CSPP1: variants seen among roughly 807,000 people sequenced by gnomAD.
The protein encoded by CSPP1 is centrosome and spindle pole-associated protein 1.
In CSPP1, 126 loss-of-function variants were observed where a neutral mutation model predicts 164.4. That is an observed-to-expected ratio of 0.77 (90% CI 0.66 to 0.89). The LOEUF (loss-of-function observed/expected upper bound fraction) is 0.89. CSPP1 is among the 40% of genes least tolerant of loss of function. The pLI, the probability that CSPP1 is intolerant of heterozygous loss-of-function variation, is 0.00. For synonymous variants in CSPP1, 472 were observed against 476.7 expected, an observed-to-expected ratio of 0.99 and a Z score of 0.13; for missense variants, 1,395 against 1,449.8, an observed-to-expected ratio of 0.96 and a Z score of 0.61.
At chr8:67,168,385 CTT>C (rs1326350797) in intron 24 of CSPP1, among the ~76,000 whole-genome samples, 1 of 152,128 alleles carries the variant, frequency 6.6e-6, no homozygotes, top group East Asian at 1.9e-4. Flanking sequence ...ATTAATTTTT[CTT>C]TTCATTAATA....
intron 15 of CSPP1, among the ~76,000 whole-genome samples, chr8:67,126,568 G>A (rs1421674967): frequency 2.6e-5 from 4 of 152,262 alleles, no homozygotes; most frequent in East Asian, 1.9e-4. Context: ...TGGGGCATGC[G>A]TTCAGTACCC....
At chr8:67,189,009 G>A (rs1002141013) in intron 28 of CSPP1, among the ~76,000 whole-genome samples, 1 of 152,126 alleles carries the variant, frequency 6.6e-6, no homozygotes, top group Non-Finnish European at 1.5e-5. Context: ...CCACCATCTT[G>A]GGAGTTCTAA....
At chr8:67,143,002 T>C (rs1373205797) in intron 17 of CSPP1, among the ~76,000 whole-genome samples, 1 of 152,170 alleles carries the variant, frequency 6.6e-6, no homozygotes, top group African/African-American at 2.4e-5. Context: ...GGCACAATGA[T>C]CAAAATTAGA....
At chr8:67,184,812 A>C (rs1834028442) in intron 28 of CSPP1, among the ~76,000 whole-genome samples, 1 of 149,298 alleles carries the variant, frequency 6.7e-6, no homozygotes, top group Admixed American at 6.7e-5. Flanking sequence ...AACGTTAAAA[A>C]CAGTCGGCCG....
At chr8:67,176,182 A>G (rs745916622) in intron 26 of CSPP1, among the ~76,000 whole-genome samples, 30 of 152,094 alleles carry the variant, frequency 2.0e-4, no homozygotes, top group Non-Finnish European at 4.1e-4. Context: ...TGGCCTTCCC[A>G]TCTGTATTTC....
chr8:67,095,118 C>G (rs909338123), intron 6 of CSPP1, among the ~76,000 whole-genome samples, 175 bp from the exon 7 acceptor site: 5 of 151,906 alleles, frequency 3.3e-5, no homozygotes, highest in African/African-American at 1.2e-4. Flanking sequence ...TTTGCTATTA[C>G]AAGTAAAGCT....
intron 13 of CSPP1, among the ~76,000 whole-genome samples, chr8:67,117,458 A>AT (rs1376503472): frequency 6.6e-6 from 1 of 152,186 alleles, no homozygotes; most frequent in Non-Finnish European, 1.5e-5. Context: ...TGCCTTTGCC[A>AT]TTTTTACTAC....
chr8:67,065,466 A>T (rs768845231), intron 1 of CSPP1: 19 of 868,640 alleles, frequency 2.2e-5, no homozygotes, highest in Non-Finnish European at 2.6e-5. Flanking sequence ...ATTTATAAAA[A>T]GCCTAAATTA....
At position 67,144,800 on chromosome 8, in the gene CSPP1, G is replaced by A. The variant is rs548032482; in HGVS notation, c.1976-4983G>A. ...TTCACCAGTGAAGGCTGGGTGTGGC[G>A]GCTCACGCCTGTAATCCCAGCACAT... On this transcript the variant is annotated intron_variant, in intron 17 of 30. Transcript: ENST00000678616. Among the ~76,000 whole-genome samples, 44 of 152,106 alleles carry A rather than the reference G, an allele frequency of 2.9e-4. 2 individuals carry two copies. The highest frequency in any genetic ancestry group is 1.9e-3 in the Admixed American group (29 of 15,268).
intron 28 of CSPP1, among the ~76,000 whole-genome samples, chr8:67,180,526 A>G (rs541134113): frequency 6.6e-6 from 1 of 152,318 alleles, no homozygotes; most frequent in East Asian, 1.9e-4. Flanking sequence ...AGGGGTAGAT[A>G]CATACATGTA....
chr8:67,102,935 T>C (rs1340178025), intron 7 of CSPP1, 102 bp from the exon 8 acceptor site: 11 of 605,252 alleles, frequency 1.8e-5, no homozygotes, highest in Non-Finnish European at 2.9e-5. Context: ...TATAACACTT[T>C]GTTCCTTTTA....
intron 18 of CSPP1, among the ~76,000 whole-genome samples, chr8:67,153,233 T>A (rs115900845): frequency 1.7e-3 from 255 of 152,162 alleles, no homozygotes; most frequent in African/African-American, 5.9e-3. Context: ...ATGCTTTAGT[T>A]TAATGGTATA....
At chr8:67,080,001 T>C (rs1027049103) in intron 3 of CSPP1, among the ~76,000 whole-genome samples, 4 of 152,240 alleles carry the variant, frequency 2.6e-5, no homozygotes, top group Non-Finnish European at 5.9e-5. Context: ...TTGATGCACA[T>C]GGAATTTTAT....
Position 67,149,816 on chromosome 8 carries a change from A to G in CSPP1, c.2009A>G (p.Asp670Gly). The change falls in exon 18 of 31, where the codon GAT becomes GGT. Residue 670 changes from aspartate (D) to glycine (G), a missense_variant. By Grantham distance (94) the Asp-to-Gly change is moderately conservative (BLOSUM62 -1). Coordinates refer to ENST00000678616, the MANE Select transcript of CSPP1 (RefSeq NM_001382391.1). Reference sequence around the variant, plus strand: ...AATAGGATGCACAGACAAAATATAGATGCCTACCATAACCCAGATGCAAGA... The same window carrying G: ...AATAGGATGCACAGACAAAATATAGGTGCCTACCATAACCCAGATGCAAGA... ...DLNRMHRQNI[D>G]AYHNPDARTY... The G allele has an allele frequency of 6.3e-7, 1 of 1,597,968 alleles. No homozygotes were observed. The highest frequency in any genetic ancestry group is 8.5e-7 in the Non-Finnish European group (1 of 1,174,022).
At chr8:67,071,399 ATTC>A (rs1806755108) in intron 1 of CSPP1, among the ~76,000 whole-genome samples, 1 of 149,536 alleles carries the variant, frequency 6.7e-6, no homozygotes, top group Non-Finnish European at 1.5e-5. Flanking sequence ...CCCAGCTTCA[ATTC>A]TTCTGTCACT....
chr8:67,097,549 A>G (rs1813058486), intron 7 of CSPP1, among the ~76,000 whole-genome samples: 2 of 152,168 alleles, frequency 1.3e-5, no homozygotes, highest in African/African-American at 4.8e-5. Flanking sequence ...GGGAACTGCA[A>G]GTAATCTTTG....
chr8:67,101,685 AGAT>A (rs1370165145), intron 7 of CSPP1, among the ~76,000 whole-genome samples: 1 of 152,234 alleles, frequency 6.6e-6, no homozygotes, highest in Non-Finnish European at 1.5e-5. Flanking sequence ...TTTTCTCCAC[AGAT>A]GATATTGACA....
chr8:67,105,789 T>A, intron 8 of CSPP1, 116 bp from the exon 9 acceptor site: 1 of 629,962 alleles, frequency 1.6e-6, no homozygotes, highest in East Asian at 2.8e-5. Context: ...AATATTTTAA[T>A]GTCCATAGTA....
At chr8:67,066,688 G>T (rs1437752499) in intron 1 of CSPP1, among the ~76,000 whole-genome samples, 1 of 151,956 alleles carries the variant, frequency 6.6e-6, no homozygotes, top group Non-Finnish European at 1.5e-5. Context: ...GTAGCAGGGG[G>T]CATTATCTTG....
Sources: allele counts gnomAD v4.1 joint callset (sites outside exome capture counted in the v4.1 genomes callset), GRCh38; gene constraint gnomAD v4.1.1; transcripts MANE v1.5; gene names NCBI Gene and HGNC (gene_info 2026-07-23, HGNC 2026-07-21).